Variants in MAP3K9 observed in about 807,000 individuals in gnomAD.
MAP3K9 encodes mixed lineage kinase 1 (tyr and ser/thr specificity).
In MAP3K9, 46 loss-of-function variants were observed where a neutral mutation model predicts 95.8. The ratio of observed to expected loss-of-function variants is 0.48; its 90% confidence interval spans 0.38 to 0.61. The LOEUF (loss-of-function observed/expected upper bound fraction) is 0.61, where lower values mean the gene tolerates loss of function less well. Ranked by LOEUF, MAP3K9 falls within the 20% of genes least tolerant of loss-of-function variation. The pLI, the probability that MAP3K9 is intolerant of heterozygous loss-of-function variation, is 0.00. For synonymous variants in MAP3K9, 533 were observed against 593.8 expected (o/e 0.90, Z 1.49); for missense variants, 1,296 against 1,474.3 (o/e 0.88, Z 1.98).
At chr14:70,764,691 G>A in intron 2 of MAP3K9, among the ~76,000 whole-genome samples, 1 of 152,080 alleles carries the variant, frequency 6.6e-6, no homozygotes, top group Non-Finnish European at 1.5e-5. Context: ...AATTAGCCAG[G>A]TGTGGTGGTG....
intron 2 of MAP3K9, among the ~76,000 whole-genome samples, chr14:70,789,242 T>A (rs2054781089): frequency 6.6e-6 from 1 of 152,054 alleles, no homozygotes; most frequent in Non-Finnish European, 1.5e-5. Flanking sequence ...TGGGGCTCAA[T>A]CCCTTTCAGG....
At chr14:70,807,319 A>G (rs1258309616) in intron 1 of MAP3K9, among the ~76,000 whole-genome samples, 1 of 152,124 alleles carries the variant, frequency 6.6e-6, no homozygotes, top group African/African-American at 2.4e-5. Flanking sequence ...GGTGAACCTC[A>G]TCTCTACTAA....
At chr14:70,795,159 AT>A (rs935979975) in intron 2 of MAP3K9, among the ~76,000 whole-genome samples, 2 of 149,692 alleles carry the variant, frequency 1.3e-5, no homozygotes, top group East Asian at 2.0e-4. Flanking sequence ...ACGTTCGGCT[AT>A]TTTTTTTGTT....
chr14:70,806,365 C>T (rs1259296164), intron 1 of MAP3K9, among the ~76,000 whole-genome samples: 1 of 152,202 alleles, frequency 6.6e-6, no homozygotes, highest in Non-Finnish European at 1.5e-5. Context: ...TGTACAGTAT[C>T]TATCACTCAC....
At chr14:70,772,733 C>T (rs80262898) in intron 2 of MAP3K9, among the ~76,000 whole-genome samples, 1,586 of 152,216 alleles carry the variant, frequency 0.01, 19 homozygotes, top group Non-Finnish European at 0.017. Flanking sequence ...AAATAATAAC[C>T]ACAACTAATG....
At chr14:70,738,171 T>G in intron 8 of MAP3K9, 74 bp downstream of exon 8, 1 of 1,434,134 alleles carries the variant, frequency 7.0e-7, no homozygotes, top group Non-Finnish European at 9.3e-7. Flanking sequence ...AGAAAAAAAG[T>G]TATTTCATAT....
intron 2 of MAP3K9, among the ~76,000 whole-genome samples, chr14:70,797,093 T>C (rs1316737839): frequency 6.6e-6 from 1 of 152,206 alleles, no homozygotes; most frequent in Non-Finnish European, 1.5e-5. Flanking sequence ...CACTTTTTAC[T>C]GAACCTTTCT....
chr14:70,800,520 T>C, intron 2 of MAP3K9, 147 bp downstream of exon 2: 1 of 802,544 alleles, frequency 1.2e-6, no homozygotes, highest in South Asian at 1.8e-5. Context: ...TCATCTCACC[T>C]CCTACATCTC....
At position 70,773,198 on chromosome 14, in the gene MAP3K9, A is replaced by G. The variant is rs552489703; in HGVS notation, c.821-12016T>C. Among the ~76,000 whole-genome samples, 4 of 152,332 alleles carry G rather than the reference A, an allele frequency of 2.6e-5. No individual in the cohort carries two copies. The East Asian group carries it at 7.7e-4, about 29-fold the overall frequency. ...CAGAAAGCAGTAGGTCATTGCCCCC[A>G]AGGAAGGAATTACCTGTCTGCTTCC... On this transcript the variant is annotated intron_variant, in intron 2 of 11. Coordinates refer to ENST00000554752, the MANE Select transcript of MAP3K9 (RefSeq NM_001284230.2).
chr14:70,750,050 C>A lies in MAP3K9; in HGVS notation c.1033G>T (p.Gly345Cys). 6.2e-7 allele frequency: 1 copy of A among 1,614,208 alleles called. No homozygotes were observed. The highest frequency in any genetic ancestry group is 8.5e-7 in the Non-Finnish European group (1 of 1,180,048). The change falls in exon 4 of 12, where the codon GGT becomes TGT. Residue 345 changes from glycine to cysteine, a missense_variant. This residue lies in a region of MAP3K9 where 136 missense variants were observed against 221.5 expected (regional missense o/e 0.61). Transcript: ENST00000554752. ...TCAATGCCTCGAAAGGGCACCTCAC[C>A]AGTCAGCAACTCCCAAAGTAGCACC... ...YGVLLWELLT[G>C]EVPFRGIDGL...
At chr14:70,746,108 G>C (rs1264948406) in intron 5 of MAP3K9, among the ~76,000 whole-genome samples, 2 of 152,172 alleles carry the variant, frequency 1.3e-5, no homozygotes, top group Admixed American at 1.3e-4. Context: ...TGATTTTGCT[G>C]TTAAGTGTAA....
At chr14:70,752,405 A>G (rs2054241588) in intron 3 of MAP3K9, among the ~76,000 whole-genome samples, 1 of 152,206 alleles carries the variant, frequency 6.6e-6, no homozygotes, top group African/African-American at 2.4e-5. Flanking sequence ...TATGGGAGTG[A>G]GCGCATGGTC....
intron 2 of MAP3K9, among the ~76,000 whole-genome samples, chr14:70,794,425 A>T (rs917667166): frequency 6.6e-6 from 1 of 152,150 alleles, no homozygotes; most frequent in African/African-American, 2.4e-5. Context: ...AATTATATGA[A>T]ACTAAAGCAC....
intron 2 of MAP3K9, among the ~76,000 whole-genome samples, chr14:70,797,919 G>A (rs146040463): frequency 8.7e-4 from 132 of 152,070 alleles, no homozygotes; most frequent in Non-Finnish European, 2.8e-4. Context: ...CAACATCAGC[G>A]CCAACCATGC....
At chr14:70,786,761 G>C (rs991929983) in intron 2 of MAP3K9, among the ~76,000 whole-genome samples, 3 of 152,194 alleles carry the variant, frequency 2.0e-5, no homozygotes, top group Non-Finnish European at 4.4e-5. Flanking sequence ...ACAACTGTAA[G>C]GTTCCAGTAA....
chr14:70,794,130 T>C (rs1481362992), intron 2 of MAP3K9, among the ~76,000 whole-genome samples: 1 of 152,162 alleles, frequency 6.6e-6, no homozygotes, highest in Non-Finnish European at 1.5e-5. Flanking sequence ...AGGGCACCCC[T>C]GCCAGCAAGG....
At chr14:70,767,548 ATACCTCAG>A (rs1364740783) in intron 2 of MAP3K9, among the ~76,000 whole-genome samples, 2 of 152,070 alleles carry the variant, frequency 1.3e-5, no homozygotes, top group African/African-American at 4.8e-5. Context: ...AGAAAGAGTA[ATACCTCAG>A]CCAGGGGTTC....
chr14:70,786,196 T>G (rs1236186321), intron 2 of MAP3K9, among the ~76,000 whole-genome samples: 1 of 152,178 alleles, frequency 6.6e-6, no homozygotes, highest in African/African-American at 2.4e-5. Context: ...GCTGTGCATT[T>G]GGGCAAAGCA....
chr14:70,798,582 C>T (rs1156927799), intron 2 of MAP3K9, among the ~76,000 whole-genome samples: 2 of 145,384 alleles, frequency 1.4e-5, no homozygotes, highest in African/African-American at 2.5e-5. Context: ...GGGTTCACGC[C>T]ATTCTCCTGC....
Sources: gnomAD v4.1 joint callset for allele counts (sites outside exome capture counted in the v4.1 genomes callset) on GRCh38, gnomAD v4.1.1 for gene constraint, gnomAD v4.1.1 regional missense constraint, MANE v1.5 for transcripts, NCBI Gene and HGNC (gene_info 2026-07-23, HGNC 2026-07-21) for gene names.